The following TAFA1 variants were observed in gnomAD, a reference collection of about 807,000 sequenced individuals.
TAFA1 encodes TAFA chemokine like family member 1.
TAFA1 carries 4 observed loss-of-function variants against 18.5 expected under a neutral mutation model. The observed-to-expected ratio is 0.22, with a 90% CI of 0.11 to 0.49. TAFA1 has a LOEUF of 0.49. Among genes scored for constraint, TAFA1 ranks in the 20% least tolerant of loss-of-function variants. The pLI is 0.98. For missense variants in TAFA1, 147 were observed against 169.0 expected (o/e 0.87, Z 0.72); for synonymous variants, 56 against 55.2 (o/e 1.01, Z -0.06).
intron 2 of TAFA1, among the ~76,000 whole-genome samples, chr3:68,094,442 G>C (rs2065064265): frequency 6.6e-6 from 1 of 152,152 alleles, no homozygotes; most frequent in South Asian, 2.1e-4. Flanking sequence ...GTAGGGACTT[G>C]TAACTATCTG....
intron 2 of TAFA1, among the ~76,000 whole-genome samples, chr3:68,028,726 C>T (rs1704868974): frequency 6.7e-6 from 1 of 150,240 alleles, no homozygotes; most frequent in South Asian, 2.1e-4. Flanking sequence ...TCAAATCTCC[C>T]TCAGCCTCAC....
At chr3:68,231,660 A>T (rs1463594785) in intron 2 of TAFA1, among the ~76,000 whole-genome samples, 1 of 152,130 alleles carries the variant, frequency 6.6e-6, no homozygotes, top group African/African-American at 2.4e-5. Context: ...GCGCCCGGCC[A>T]ATCTATTTGA....
intron 2 of TAFA1, among the ~76,000 whole-genome samples, chr3:68,085,211 CT>C (rs1416879354): frequency 6.6e-6 from 1 of 152,088 alleles, no homozygotes; most frequent in Non-Finnish European, 1.5e-5. Flanking sequence ...GATAATAAGT[CT>C]AAAGTCAGTA....
intron 2 of TAFA1, among the ~76,000 whole-genome samples, chr3:68,227,236 G>T (rs1045155680): frequency 1.8e-4 from 27 of 152,124 alleles, no homozygotes; most frequent in African/African-American, 6.0e-4. Context: ...GGATTAGCTT[G>T]TATCCTAGCA....
At chr3:68,035,098 T>C (rs975100577) in intron 2 of TAFA1, among the ~76,000 whole-genome samples, 4 of 152,172 alleles carry the variant, frequency 2.6e-5, no homozygotes, top group African/African-American at 9.6e-5. Flanking sequence ...AAAAAGTCAA[T>C]AATTGTAATT....
intron 2 of TAFA1, among the ~76,000 whole-genome samples, chr3:68,027,856 C>A (rs1409092711): frequency 6.6e-6 from 1 of 152,104 alleles, no homozygotes; most frequent in Non-Finnish European, 1.5e-5. Context: ...AATTAATTCC[C>A]AAACATGAAT....
At chr3:68,028,732 C>T (rs191005582) in intron 2 of TAFA1, among the ~76,000 whole-genome samples, 41 of 146,454 alleles carry the variant, frequency 2.8e-4, no homozygotes, top group African/African-American at 9.5e-4. Flanking sequence ...CTCCCTCAGC[C>T]TCACTCTTTT....
chr3:68,441,802 G>A (rs148661513), intron 3 of TAFA1, among the ~76,000 whole-genome samples: 4 of 152,264 alleles, frequency 2.6e-5, no homozygotes, highest in African/African-American at 9.6e-5. Flanking sequence ...GTTCACAGAT[G>A]GTTCTGCATG....
chr3:68,180,560 A>T (rs1421659644), intron 2 of TAFA1, among the ~76,000 whole-genome samples: 1 of 152,212 alleles, frequency 6.6e-6, no homozygotes, highest in Non-Finnish European at 1.5e-5. Context: ...CTTTTGAAAA[A>T]TGAGCCAGTT....
chr3:68,438,492 G>A lies in TAFA1; in HGVS notation c.259+21072G>A, dbSNP rs534504602. Among the ~76,000 whole-genome samples the A allele has an allele frequency of 2.0e-5, 3 of 152,250 alleles. No individual in the cohort carries two copies. The South Asian group carries it at 6.2e-4, about 32-fold the overall frequency. On this transcript the variant is annotated intron_variant, in intron 3 of 4. Transcript: ENST00000478136. ...GGCTTGGCTGGACTCAGTCTACCCAGCTCACTTAGGGTTGCATTGCACACT... is the reference window on the plus strand; with the variant it reads ...GGCTTGGCTGGACTCAGTCTACCCAACTCACTTAGGGTTGCATTGCACACT...
In TAFA1 at chr3:68,531,751, AATT is replaced by A. The variant is rs1348620718; in HGVS notation, c.260-6998_260-6996del. 5.3e-5 allele frequency among the ~76,000 whole-genome samples: 8 copies of A among 152,028 alleles called. No homozygotes were observed. The East Asian group carries it at 1.4e-3, about 26-fold the overall frequency. On this transcript the variant is annotated intron_variant, in intron 3 of 4. Coordinates refer to ENST00000478136, the MANE Select transcript of TAFA1 (RefSeq NM_213609.4). ...CCTTTCCCTGGCGCTGGTTGTGACCAATTATTATTTTAGAGAGACAGTTTAACA... is the reference window on the plus strand; with the variant it reads ...CCTTTCCCTGGCGCTGGTTGTGACCAATTATTTTAGAGAGACAGTTTAACA...
chr3:68,048,832 G>A (rs919707270), intron 2 of TAFA1, among the ~76,000 whole-genome samples: 4 of 152,092 alleles, frequency 2.6e-5, no homozygotes, highest in Admixed American at 6.6e-5. Context: ...TTGTGCGTAT[G>A]TACCACATTT....
chr3:68,127,990 T>G, intron 2 of TAFA1, among the ~76,000 whole-genome samples: 2 of 149,010 alleles, frequency 1.3e-5, no homozygotes, highest in African/African-American at 5.2e-5. Context: ...GATGATGGTA[T>G]TGGTAATAAT....
chr3:68,118,775 G>T lies in TAFA1; in HGVS notation c.118+112031G>T, dbSNP rs574596272. Among the ~76,000 whole-genome samples, 24 of 152,276 alleles carry T rather than the reference G, an allele frequency of 1.6e-4. No individual in the cohort carries two copies. In the South Asian group the frequency reaches 5.0e-3, roughly 32 times the overall value. On this transcript the variant is annotated intron_variant, in intron 2 of 4. Transcript: ENST00000478136. ...ATGCATTTTACTTATCCATTCATCT[G>T]TTGATAGACATTTGGGTCACTTCCA...
At chr3:68,170,731 C>A (rs182508581) in intron 2 of TAFA1, among the ~76,000 whole-genome samples, 1 of 152,008 alleles carries the variant, frequency 6.6e-6, no homozygotes, top group Admixed American at 6.6e-5. Flanking sequence ...AAACACACAG[C>A]CCCTCAACAG....
At chr3:68,400,027 C>G (rs530149023) in intron 2 of TAFA1, among the ~76,000 whole-genome samples, 1 of 152,290 alleles carries the variant, frequency 6.6e-6, no homozygotes, top group South Asian at 2.1e-4. Context: ...CCCAATGTTT[C>G]CACACAGCCC....
At chr3:68,047,715 T>C (rs1289882722) in intron 2 of TAFA1, among the ~76,000 whole-genome samples, 3 of 152,090 alleles carry the variant, frequency 2.0e-5, no homozygotes, top group African/African-American at 7.2e-5. Flanking sequence ...CACAACAACC[T>C]GACCTGAAGA....
chr3:68,056,138 A>T (rs2064534496), intron 2 of TAFA1, among the ~76,000 whole-genome samples: 1 of 152,176 alleles, frequency 6.6e-6, no homozygotes, highest in African/African-American at 2.4e-5. Flanking sequence ...GCCCCATCCC[A>T]ATTCAATCTT....
chr3:68,356,276 G>A (rs1294283120), intron 2 of TAFA1, among the ~76,000 whole-genome samples: 1 of 151,876 alleles, frequency 6.6e-6, no homozygotes, highest in East Asian at 1.9e-4. Context: ...CCCAGGAAAA[G>A]CACTGTCCCT....
Sources: allele counts gnomAD v4.1 joint callset (sites outside exome capture counted in the v4.1 genomes callset), GRCh38; gene constraint gnomAD v4.1.1; transcripts MANE v1.5; gene names NCBI Gene and HGNC (gene_info 2026-07-23, HGNC 2026-07-21).